SIL1: variants seen among roughly 807,000 people sequenced by gnomAD.
SIL1 encodes nucleotide exchange factor SIL1.
A neutral mutation model predicts 49.1 loss-of-function variants in SIL1; 40 were observed. The observed-to-expected ratio is 0.81, with a 90% CI of 0.63 to 1.06. The LOEUF is 1.06. Ranked by LOEUF, SIL1 falls within the 50% of genes least tolerant of loss-of-function variation. The probability of loss-of-function intolerance (pLI) is 0.00; values close to 1 mark genes in which losing one functional copy is unlikely to be tolerated. For synonymous variants in SIL1, 253 were observed against 250.8 expected (o/e 1.01, Z -0.08); for missense variants, 500 against 572.6 (o/e 0.87, Z 1.29).
intron 3 of SIL1, chr5:139,108,222 G>A (rs1770766904): frequency 6.6e-6 from 1 of 152,074 alleles, no homozygotes; most frequent in Non-Finnish European, 1.5e-5. Context: ...CTGGATTAAG[G>A]GTAAAGAAAA....
At chr5:139,000,800 CAAG>C (rs1767966565) in intron 7 of SIL1, among the ~76,000 whole-genome samples, 1 of 151,862 alleles carries the variant, frequency 6.6e-6, no homozygotes. Flanking sequence ...CCGCTACACA[CAAG>C]AATATATTTG....
chr5:139,175,334 C>CAAA (rs112810249), intron 1 of SIL1, among the ~76,000 whole-genome samples: 1 of 150,196 alleles, frequency 6.7e-6, no homozygotes, highest in Non-Finnish European at 1.5e-5. Context: ...AACAAACAAA[C>CAAA]AAAAAAAAAG....
At chr5:139,025,413 G>C (rs530162427) in intron 6 of SIL1, among the ~76,000 whole-genome samples, 30 of 149,580 alleles carry the variant, frequency 2.0e-4, no homozygotes, top group Admixed American at 1.7e-3. Flanking sequence ...TATAAAATGG[G>C]ATTAATAGTG....
chr5:139,159,477 G>A (rs1450026823), intron 1 of SIL1, among the ~76,000 whole-genome samples: 1 of 152,138 alleles, frequency 6.6e-6, no homozygotes, highest in Non-Finnish European at 1.5e-5. Context: ...TATTGCACCA[G>A]GTTTGCAATT....
chr5:139,062,269 T>A, intron 3 of SIL1, among the ~76,000 whole-genome samples: 1 of 152,236 alleles, frequency 6.6e-6, no homozygotes, highest in East Asian at 1.9e-4. Context: ...AAATACATAA[T>A]GAGCCATTCT....
chr5:139,078,313 T>C (rs1339743741), intron 3 of SIL1, among the ~76,000 whole-genome samples: 1 of 152,136 alleles, frequency 6.6e-6, no homozygotes, highest in East Asian at 1.9e-4. Flanking sequence ...CAAAGAATTA[T>C]AATGGGCAAA....
At chr5:139,155,477 G>GAGAGAGAGAGAGAGAGAGAGAGAGAGAGA (rs765537884) in intron 1 of SIL1, 42 of 151,664 alleles carry the variant, frequency 2.8e-4, no homozygotes, top group Middle Eastern at 3.4e-3. Context: ...GAGAGAGAGA[G>GAGAGAGAGAGAGAGAGAGAGAGAGAGAGA]AACGAGCTCT....
At chr5:139,053,224 T>C (rs1477809421) in intron 3 of SIL1, among the ~76,000 whole-genome samples, 1 of 151,984 alleles carries the variant, frequency 6.6e-6, no homozygotes, top group Non-Finnish European at 1.5e-5. Context: ...AACAAGACAA[T>C]AGTCTCTTCC....
chr5:138,968,051 C>T (rs1247628170), intron 7 of SIL1, among the ~76,000 whole-genome samples: 6 of 152,144 alleles, frequency 3.9e-5, no homozygotes, highest in African/African-American at 1.4e-4. Flanking sequence ...AAGGGCCTGG[C>T]CACTGGGCTA....
intron 7 of SIL1, among the ~76,000 whole-genome samples, chr5:138,952,611 G>A (rs745613819): frequency 2.0e-5 from 3 of 152,234 alleles, no homozygotes; most frequent in African/African-American, 4.8e-5. Context: ...ACGACTGAAC[G>A]AACGAACGAA....
At chr5:139,165,227 C>T (rs1054838321) in intron 1 of SIL1, among the ~76,000 whole-genome samples, 6 of 152,226 alleles carry the variant, frequency 3.9e-5, no homozygotes, top group Non-Finnish European at 5.9e-5. Context: ...CATTTCCTTT[C>T]TATTGATCCC....
At chr5:139,176,798 T>C (rs377679575) in intron 1 of SIL1, among the ~76,000 whole-genome samples, 43 of 152,146 alleles carry the variant, frequency 2.8e-4, no homozygotes, top group African/African-American at 1.0e-3. Flanking sequence ...ACATATGAAT[T>C]TGGAGGGGAC....
In SIL1 at chr5:139,143,340, CACACATAT is replaced by C. The variant is rs1421155952; in HGVS notation, c.-10-15495_-10-15488del. Among the ~76,000 whole-genome samples the C allele has an allele frequency of 2.3e-3, 197 of 85,148 alleles. 3 individuals carry two copies. Among genetic ancestry groups the C allele is most frequent in the African/African-American group, 0.013 (185 of 13,958 alleles). The allele number at this position is 85,148 out of a possible 152,430, so 55.9% of individuals were successfully genotyped here. On this transcript the variant is annotated intron_variant, in intron 1 of 9. Transcript: ENST00000394817. ...ACACACACACACACACACACACACA[CACACATAT>C]ATATATATATATATATATGGTTTTT...
chr5:138,955,753 C>G (rs1554122537), intron 7 of SIL1, among the ~76,000 whole-genome samples: 2 of 152,346 alleles, frequency 1.3e-5, no homozygotes, highest in East Asian at 1.9e-4. Context: ...AATTTCAAGA[C>G]AGTGAGAACA....
chr5:139,163,214 C>G (rs896201081), intron 1 of SIL1, among the ~76,000 whole-genome samples: 1 of 151,960 alleles, frequency 6.6e-6, no homozygotes, highest in African/African-American at 2.4e-5. Flanking sequence ...GCCCAAAGGG[C>G]GTCAGGCAGC....
At chr5:139,032,322 T>C (rs1308717219) in intron 5 of SIL1, among the ~76,000 whole-genome samples, 1 of 152,232 alleles carries the variant, frequency 6.6e-6, no homozygotes, top group Non-Finnish European at 1.5e-5. Context: ...TGACATAAGA[T>C]GATGTGATTT....
intron 7 of SIL1, among the ~76,000 whole-genome samples, chr5:138,969,822 A>C (rs1416185739): frequency 1.3e-5 from 2 of 152,278 alleles, no homozygotes; most frequent in African/African-American, 4.8e-5. Context: ...ACAGAGAGAC[A>C]TCTAACAGCC....
chr5:139,112,002 G>T (rs544482850), intron 3 of SIL1, among the ~76,000 whole-genome samples: 2 of 152,310 alleles, frequency 1.3e-5, no homozygotes, highest in East Asian at 3.9e-4. Flanking sequence ...GCGCCGCCAC[G>T]CCTGACTGGT....
At chr5:139,120,022 T>C (rs979844407) in intron 3 of SIL1, among the ~76,000 whole-genome samples, 2 of 152,194 alleles carry the variant, frequency 1.3e-5, no homozygotes, top group Admixed American at 1.3e-4. Flanking sequence ...GCTTCATCAC[T>C]CTTCTGTGGC....
Sources: gnomAD v4.1 joint callset for allele counts (sites outside exome capture counted in the v4.1 genomes callset) on GRCh38, gnomAD v4.1.1 for gene constraint, MANE v1.5 for transcripts, NCBI Gene and HGNC (gene_info 2026-07-23, HGNC 2026-07-21) for gene names.